IMMP2L: variants seen among roughly 807,000 people sequenced by gnomAD.
IMMP2L encodes mitochondrial inner membrane protease subunit 2.
In IMMP2L, 18 loss-of-function variants were observed where a neutral mutation model predicts 19.3. The observed-to-expected ratio is 0.93, with a 90% CI of 0.64 to 1.38. The LOEUF is 1.38. Among genes scored for constraint, IMMP2L ranks in the 40% most tolerant of loss-of-function variants. IMMP2L has a pLI of 0.00. For synonymous variants in IMMP2L, 76 were observed against 73.0 expected, an observed-to-expected ratio of 1.04 and a Z score of -0.21; for missense variants, 233 against 218.2, an observed-to-expected ratio of 1.07 and a Z score of -0.43.
chr7:111,356,311 T>C (rs1016730059), intron 3 of IMMP2L, among the ~76,000 whole-genome samples: 1 of 150,886 alleles, frequency 6.6e-6, no homozygotes, highest in Non-Finnish European at 1.5e-5. Flanking sequence ...TCTTAACATG[T>C]ATAGACTTTT....
At chr7:110,809,417 T>C (rs930240484) in intron 5 of IMMP2L, among the ~76,000 whole-genome samples, 5 of 151,982 alleles carry the variant, frequency 3.3e-5, no homozygotes. Flanking sequence ...GTTCTAATTA[T>C]GAATAAGATT....
chr7:111,115,625 A>G (rs1799790194), intron 3 of IMMP2L, among the ~76,000 whole-genome samples: 1 of 151,918 alleles, frequency 6.6e-6, no homozygotes, highest in Non-Finnish European at 1.5e-5. Flanking sequence ...TATTAGGGTG[A>G]GACATTTGCA....
At chr7:111,289,892 T>C (rs1043409927) in intron 3 of IMMP2L, among the ~76,000 whole-genome samples, 5 of 151,962 alleles carry the variant, frequency 3.3e-5, no homozygotes, top group African/African-American at 1.2e-4. Flanking sequence ...CTCCAGGTTT[T>C]ACATAAATTT....
chr7:111,384,559 T>C (rs1027499070), intron 3 of IMMP2L, among the ~76,000 whole-genome samples: 18 of 152,188 alleles, frequency 1.2e-4, no homozygotes, highest in African/African-American at 4.1e-4. Flanking sequence ...CCCTCTATTA[T>C]TGAAAGAAGA....
At chr7:110,901,531 T>A (rs544452155) in intron 4 of IMMP2L, among the ~76,000 whole-genome samples, 1 of 152,296 alleles carries the variant, frequency 6.6e-6, no homozygotes, top group South Asian at 2.1e-4. Flanking sequence ...GTGCTACACT[T>A]ACTTTGTGAA....
In IMMP2L at chr7:111,250,850, G is replaced by GAT. The variant is rs546006138; in HGVS notation, c.239+236387_239+236388insAT. Among the ~76,000 whole-genome samples the GAT allele has an allele frequency of 4.2e-3, 636 of 152,188 alleles. 5 individuals are homozygous for GAT. The highest frequency in any genetic ancestry group is 0.015 in the African/African-American group (610 of 41,526). ...CATTCAGGACATAGGCAAAGGCAAA[G>GAT]AGTTTATGACAAAAACACCAAAAGC... On this transcript the variant is annotated intron_variant, in intron 3 of 5. Coordinates refer to ENST00000405709, the MANE Select transcript of IMMP2L (RefSeq NM_032549.4).
intron 5 of IMMP2L, among the ~76,000 whole-genome samples, chr7:110,882,331 T>TCCTTC (rs1554445737): frequency 1.3e-4 from 19 of 143,944 alleles, no homozygotes; most frequent in African/African-American, 3.6e-4. Context: ...CTTCCTTCCT[T>TCCTTC]CCTTCCTTCC....
At chr7:110,879,979 A>G (rs563354920) in intron 5 of IMMP2L, among the ~76,000 whole-genome samples, 3 of 152,244 alleles carry the variant, frequency 2.0e-5, no homozygotes, top group Admixed American at 6.5e-5. Context: ...AGTGACAGAA[A>G]TATCTGTTGG....
intron 4 of IMMP2L, among the ~76,000 whole-genome samples, chr7:110,904,708 C>T (rs1812275088): frequency 6.6e-6 from 1 of 152,190 alleles, no homozygotes; most frequent in Non-Finnish European, 1.5e-5. Context: ...GTTTTATGGG[C>T]TTGCCATAGA....
chr7:111,282,221 T>G (rs1790588139), intron 3 of IMMP2L, among the ~76,000 whole-genome samples: 1 of 152,176 alleles, frequency 6.6e-6, no homozygotes, highest in African/African-American at 2.4e-5. Flanking sequence ...CATGACAGTA[T>G]GAGGATCTCC....
chr7:110,858,992 C>G (rs1023937901), intron 5 of IMMP2L, among the ~76,000 whole-genome samples: 4 of 152,084 alleles, frequency 2.6e-5, no homozygotes, highest in Admixed American at 1.3e-4. Flanking sequence ...CTGATCATGT[C>G]TTTCTGAAAT....
At chr7:111,446,084 C>T (rs1226523677) in intron 3 of IMMP2L, among the ~76,000 whole-genome samples, 4 of 151,680 alleles carry the variant, frequency 2.6e-5, no homozygotes, top group African/African-American at 4.8e-5. Flanking sequence ...TGATTGCTAG[C>T]ACAGCAGTCT....
chr7:110,865,271 C>A (rs1043606839), intron 5 of IMMP2L, among the ~76,000 whole-genome samples: 1 of 151,976 alleles, frequency 6.6e-6, no homozygotes, highest in Non-Finnish European at 1.5e-5. Flanking sequence ...CTGACAAACA[C>A]TAAATTTTAA....
intron 3 of IMMP2L, among the ~76,000 whole-genome samples, chr7:111,049,046 G>T (rs1334019620): frequency 6.6e-6 from 1 of 151,084 alleles, no homozygotes; most frequent in Non-Finnish European, 1.5e-5. Flanking sequence ...AATACCTCCA[G>T]GCATCTTTTA....
intron 3 of IMMP2L, among the ~76,000 whole-genome samples, chr7:111,362,720 C>A (rs369426739): frequency 4.8e-4 from 73 of 152,088 alleles, no homozygotes; most frequent in Admixed American, 1.6e-3. Context: ...TTAGGTCATT[C>A]ACTTTTTCAA....
chr7:111,490,767 TAAA>T (rs1457314253), intron 2 of IMMP2L, among the ~76,000 whole-genome samples: 4 of 152,240 alleles, frequency 2.6e-5, no homozygotes, highest in African/African-American at 9.6e-5. Flanking sequence ...AATTAATAAT[TAAA>T]TAATAATAGC....
intron 4 of IMMP2L, among the ~76,000 whole-genome samples, chr7:110,954,278 C>T (rs1818147196): frequency 6.6e-6 from 1 of 152,038 alleles, no homozygotes. Flanking sequence ...CTGCTAAGCT[C>T]CAGGGGTTTT....
In IMMP2L at chr7:111,462,680, G is replaced by T. The variant is rs181774659; in HGVS notation, c.239+24558C>A. On this transcript the variant is annotated intron_variant, in intron 3 of 5. Transcript: ENST00000405709. ...AGCTTTTCTTAACTAGAAGTTCAAC[G>T]ATAAAATGTGCTTACAGACCTAACT... Among the ~76,000 whole-genome samples, 19 of 152,058 alleles carry T rather than the reference G, an allele frequency of 1.2e-4. No homozygotes were observed. The East Asian group carries it at 3.5e-3, about 28-fold the overall frequency.
intron 5 of IMMP2L, among the ~76,000 whole-genome samples, chr7:110,749,150 C>CATTAGAGAAATGACCACTGAA: frequency 6.6e-6 from 1 of 152,170 alleles, no homozygotes; most frequent in Admixed American, 6.5e-5. Context: ...AAACAGAGCT[C>CATTAGAGAAATGACCACTGAA]ATCATCACTG....
Sources: gnomAD v4.1 joint callset for allele counts (sites outside exome capture counted in the v4.1 genomes callset) on GRCh38, gnomAD v4.1.1 for gene constraint, MANE v1.5 for transcripts, NCBI Gene and HGNC (gene_info 2026-07-23, HGNC 2026-07-21) for gene names.